TRIM2: variants seen among roughly 807,000 people sequenced by gnomAD.
The protein encoded by TRIM2 is tripartite motif containing 2.
In TRIM2, 20 loss-of-function variants were observed where a neutral mutation model predicts 75.2. The observed-to-expected ratio is 0.27, with a 90% CI of 0.19 to 0.39. TRIM2 has a LOEUF of 0.39. Ranked by LOEUF, TRIM2 falls within the 10% of genes least tolerant of loss-of-function variation. The pLI is 1.00. For synonymous variants in TRIM2, 373 were observed against 388.3 expected, an observed-to-expected ratio of 0.96 and a Z score of 0.46; for missense variants, 660 against 990.8, an observed-to-expected ratio of 0.67 and a Z score of 4.48.
chr4:153,312,773 C>T (rs1298268576), intron 6 of TRIM2, among the ~76,000 whole-genome samples: 1 of 152,080 alleles, frequency 6.6e-6, no homozygotes, highest in Non-Finnish European at 1.5e-5. Context: ...TTTATTGCGG[C>T]ACTATTCACA....
At chr4:153,243,633 G>T (rs779412620) in intron 1 of TRIM2, among the ~76,000 whole-genome samples, 10 of 152,124 alleles carry the variant, frequency 6.6e-5, no homozygotes, top group Admixed American at 1.3e-4. Context: ...TCTGTACCTG[G>T]GCCATGTTCT....
chr4:153,225,494 C>G (rs902818065), intron 1 of TRIM2, among the ~76,000 whole-genome samples: 1 of 152,214 alleles, frequency 6.6e-6, no homozygotes, highest in Non-Finnish European at 1.5e-5. Flanking sequence ...AACATTATTT[C>G]TTATACTTTT....
chr4:153,158,466 T>C (rs1240828909), intron 1 of TRIM2, among the ~76,000 whole-genome samples: 1 of 152,194 alleles, frequency 6.6e-6, no homozygotes, highest in Admixed American at 6.5e-5. Flanking sequence ...TAGTGATATG[T>C]AATGGGCAAC....
At chr4:153,199,014 A>G (rs1734046723) in intron 1 of TRIM2, among the ~76,000 whole-genome samples, 1 of 152,222 alleles carries the variant, frequency 6.6e-6, no homozygotes, top group Non-Finnish European at 1.5e-5. Context: ...TCATCTCTCC[A>G]TCTTTTCAAA....
In TRIM2 at chr4:153,182,403, C is replaced by T. The variant is rs968694216; in HGVS notation, c.-49+29133C>T. Among the ~76,000 whole-genome samples the T allele has an allele frequency of 8.5e-5, 13 of 152,126 alleles. No individual in the cohort carries two copies. In the East Asian group the frequency reaches 1.7e-3, roughly 20 times the overall value. Reference sequence around the variant, plus strand: ...GTGTGGTGTCTCAGCTGAACACCACCGTAGAGTCCACCTGCACAGCTCACG... The same window carrying T: ...GTGTGGTGTCTCAGCTGAACACCACTGTAGAGTCCACCTGCACAGCTCACG... On this transcript the variant is annotated intron_variant, in intron 1 of 11. Transcript: ENST00000437508.
intron 1 of TRIM2, among the ~76,000 whole-genome samples, chr4:153,210,992 TG>T (rs1396560073): frequency 6.6e-6 from 1 of 152,136 alleles, no homozygotes; most frequent in African/African-American, 2.4e-5. Context: ...ACTGGAGGGC[TG>T]GGAGGAGACA....
chr4:153,306,042 T>G (rs769350665), intron 6 of TRIM2, among the ~76,000 whole-genome samples: 2 of 151,430 alleles, frequency 1.3e-5, no homozygotes, highest in Non-Finnish European at 2.9e-5. Flanking sequence ...GGCTGGAGAA[T>G]CGCTCGAACC....
At chr4:153,272,262 C>A (rs1337802558) in intron 2 of TRIM2, among the ~76,000 whole-genome samples, 1 of 152,076 alleles carries the variant, frequency 6.6e-6, no homozygotes, top group Non-Finnish European at 1.5e-5. Flanking sequence ...CATTCTCCTG[C>A]CTCAGCCTCC....
At chr4:153,158,613 A>T (rs985985295) in intron 1 of TRIM2, among the ~76,000 whole-genome samples, 3 of 151,608 alleles carry the variant, frequency 2.0e-5, no homozygotes, top group African/African-American at 7.3e-5. Context: ...TTGCACAATT[A>T]AAAAAAAACA....
rs1053695750 is a variant in TRIM2 at position 153,247,504 on chromosome 4, C to T, written c.31-22831C>T. On this transcript the variant is annotated intron_variant, in intron 1 of 11. Coordinates refer to ENST00000338700, the MANE Select transcript of TRIM2 (RefSeq NM_015271.5). ...CAGCCTGGCCAACATGCCAAAACCC[C>T]GTCTCTACTAAAAATACAAAAAAAT... Among the ~76,000 whole-genome samples, 4 of 151,996 alleles carry T rather than the reference C, an allele frequency of 2.6e-5. No individual in the cohort carries two copies. The South Asian group carries it at 6.2e-4, about 24-fold the overall frequency.
chr4:153,278,956 T>G (rs1405385517), intron 3 of TRIM2, among the ~76,000 whole-genome samples: 1 of 152,080 alleles, frequency 6.6e-6, no homozygotes, highest in African/African-American at 2.4e-5. Context: ...CCTGAAAAGA[T>G]AGATGTGGAG....
chr4:153,286,622 C>T (rs1390590461), intron 3 of TRIM2, among the ~76,000 whole-genome samples: 3 of 152,076 alleles, frequency 2.0e-5, no homozygotes, highest in East Asian at 1.9e-4. Flanking sequence ...AAACTATCCA[C>T]AGTATTCTGT....
intron 6 of TRIM2, among the ~76,000 whole-genome samples, chr4:153,298,867 G>A (rs1479080591): frequency 6.6e-6 from 1 of 152,018 alleles, no homozygotes; most frequent in African/African-American, 2.4e-5. Flanking sequence ...CCAAGTAGCA[G>A]GGACCACAGC....
At chr4:153,235,811 C>T (rs530563748) in intron 1 of TRIM2, among the ~76,000 whole-genome samples, 1 of 152,270 alleles carries the variant, frequency 6.6e-6, no homozygotes, top group Admixed American at 6.5e-5. Context: ...CTTCCTTTGA[C>T]CAAGCCCTAC....
chr4:153,265,495 C>T (rs1754751181), intron 1 of TRIM2, among the ~76,000 whole-genome samples: 1 of 151,994 alleles, frequency 6.6e-6, no homozygotes, highest in Non-Finnish European at 1.5e-5. Context: ...AGGCGCCTGC[C>T]GCCACGCCTG....
At chr4:153,197,855 A>T (rs1733937044) in intron 1 of TRIM2, among the ~76,000 whole-genome samples, 1 of 152,160 alleles carries the variant, frequency 6.6e-6, no homozygotes, top group South Asian at 2.1e-4. Flanking sequence ...CCTGGGCAAC[A>T]AGAGCGAAAC....
At chr4:153,259,957 G>T (rs899141433) in intron 1 of TRIM2, among the ~76,000 whole-genome samples, 2 of 151,996 alleles carry the variant, frequency 1.3e-5, no homozygotes, top group Non-Finnish European at 2.9e-5. Flanking sequence ...TCACATTCTC[G>T]ACAGCCTCTA....
chr4:153,255,246 A>G (rs1211948850), intron 1 of TRIM2, among the ~76,000 whole-genome samples: 1 of 152,202 alleles, frequency 6.6e-6, no homozygotes, highest in Non-Finnish European at 1.5e-5. Flanking sequence ...ACAAGTCTTC[A>G]TTGGAATGAA....
At chr4:153,210,352 A>G (rs1480512178) in intron 1 of TRIM2, among the ~76,000 whole-genome samples, 1 of 152,122 alleles carries the variant, frequency 6.6e-6, no homozygotes, top group African/African-American at 2.4e-5. Flanking sequence ...GGTGTGATCC[A>G]CCGTGCCTGG....
Sources: allele counts gnomAD v4.1 joint callset (sites outside exome capture counted in the v4.1 genomes callset), GRCh38; gene constraint gnomAD v4.1.1; transcripts MANE v1.5; gene names NCBI Gene and HGNC (gene_info 2026-07-23, HGNC 2026-07-21).